The following ZMYND11 variants were observed in gnomAD, a reference collection of about 807,000 sequenced individuals.
ZMYND11 encodes the protein zinc finger MYND-type containing 11, also known as zinc finger MYND domain-containing protein 11.
In ZMYND11, 9 loss-of-function variants were observed where a neutral mutation model predicts 84.9. The observed-to-expected ratio is 0.11, with a 90% CI of 0.06 to 0.18. The LOEUF is 0.18. Among genes scored for constraint, ZMYND11 ranks in the 10% least tolerant of loss-of-function variants. The probability of loss-of-function intolerance (pLI) is 1.00; values close to 1 mark genes in which losing one functional copy is unlikely to be tolerated. For synonymous variants in ZMYND11, 250 were observed against 244.1 expected (o/e 1.02, Z -0.23); for missense variants, 409 against 761.0 (o/e 0.54, Z 5.44).
At chr10:221,463 T>C (rs886095895) in intron 4 of ZMYND11, 107 bp downstream of exon 4, 1 of 1,131,690 alleles carries the variant, frequency 8.8e-7, no homozygotes, top group African/African-American at 1.6e-5. Context: ...GATAAAGGAC[T>C]GGAGGGTGGG....
upstream of ZMYND11, among the ~76,000 whole-genome samples, chr10:133,174 C>A (rs1252736332): frequency 1.3e-5 from 2 of 152,218 alleles, no homozygotes; most frequent in African/African-American, 4.8e-5. Context: ...GCGTTCATTT[C>A]GCTAACCATC....
rs140163314 is a variant in ZMYND11 at position 216,080 on chromosome 10, T to G, written c.277-5115T>G. On this transcript the variant is annotated intron_variant, in intron 3 of 14. Transcript: ENST00000381604. ...TCCTCCCACCTCAAAATGCCCAGTC[T>G]AAAAAAAGTTTTGGGTTATATTTCT... 5.2e-3 allele frequency among the ~76,000 whole-genome samples: 785 copies of G among 152,272 alleles called. 7 individuals are homozygous for G. The highest frequency in any genetic ancestry group is 0.018 in the African/African-American group (734 of 41,556).
At chr10:171,747 T>C (rs1845369115) in intron 1 of ZMYND11, among the ~76,000 whole-genome samples, 1 of 152,174 alleles carries the variant, frequency 6.6e-6, no homozygotes, top group South Asian at 2.1e-4. Flanking sequence ...TTAAAGAATA[T>C]CTTTACAAAC....
At chr10:175,613 G>A (rs1376814473) in intron 1 of ZMYND11, among the ~76,000 whole-genome samples, 3 of 152,040 alleles carry the variant, frequency 2.0e-5, no homozygotes, top group Non-Finnish European at 4.4e-5. Context: ...ATATAATTGC[G>A]TATTTTTCTG....
chr10:193,877 T>C (rs1941079925), intron 2 of ZMYND11, among the ~76,000 whole-genome samples: 1 of 152,252 alleles, frequency 6.6e-6, no homozygotes. Flanking sequence ...GTGATTCATT[T>C]GCTATGTATA....
rs984208252 is a variant in ZMYND11, at chr10:151,156, G to A, written c.-20+15597G>A. On this transcript the variant is annotated intron_variant, in intron 1 of 14. Transcript: ENST00000381604. ...AAAGCTCAAAATTCTAAAAATCAGA[G>A]CACCTCTCCCCCTCCAAAGGAACGC... Among the ~76,000 whole-genome samples, 3 of 152,110 alleles carry A rather than the reference G, an allele frequency of 2.0e-5. No homozygotes were observed. The South Asian group carries it at 6.2e-4, about 31-fold the overall frequency.
At chr10:154,010 C>A (rs782379047) in intron 1 of ZMYND11, among the ~76,000 whole-genome samples, 8 of 152,146 alleles carry the variant, frequency 5.3e-5, no homozygotes, top group Non-Finnish European at 1.2e-4. Flanking sequence ...TGTAAAGAGA[C>A]CATGAATTTC....
Position 140,754 on chromosome 10 carries a change from G to C in ZMYND11, c.-20+5195G>C, listed in dbSNP as rs1208070916. ...AAATGTGTTCAATCAGATAGAAGTA[G>C]AAATACCCTTACGTGCACATACTTA... On this transcript the variant is annotated intron_variant, in intron 1 of 14. Coordinates refer to ENST00000381604, the MANE Select transcript of ZMYND11 (RefSeq NM_001370100.5). 2.0e-5 allele frequency among the ~76,000 whole-genome samples: 3 copies of C among 152,162 alleles called. No individual in the cohort carries two copies. The East Asian group carries it at 5.8e-4, about 29-fold the overall frequency.
chr10:153,397 T>C (rs1840895963), intron 1 of ZMYND11, among the ~76,000 whole-genome samples: 1 of 152,238 alleles, frequency 6.6e-6, no homozygotes, highest in South Asian at 2.1e-4. Flanking sequence ...TCATTGTAAT[T>C]AACTTGTTAG....
At chr10:141,568 A>G (rs1837507815) in intron 1 of ZMYND11, among the ~76,000 whole-genome samples, 1 of 152,170 alleles carries the variant, frequency 6.6e-6, no homozygotes, top group Non-Finnish European at 1.5e-5. Flanking sequence ...AATTTATCCC[A>G]ATTTGTAACT....
intron 10 of ZMYND11, among the ~76,000 whole-genome samples, chr10:245,184 T>TTA (rs2131884076): frequency 6.6e-6 from 1 of 152,362 alleles, no homozygotes; most frequent in East Asian, 1.9e-4. Flanking sequence ...AACAAAGTAC[T>TTA]TATGCCAGAT....
chr10:237,736 G>T, intron 6 of ZMYND11, 59 bp downstream of exon 6: 1 of 1,345,008 alleles, frequency 7.4e-7, no homozygotes, highest in Non-Finnish European at 1.0e-6. Flanking sequence ...ACAAGTTAAA[G>T]AATAATGTAG....
intron 10 of ZMYND11, among the ~76,000 whole-genome samples, chr10:242,660 C>G (rs147731772): frequency 6.6e-6 from 1 of 152,266 alleles, no homozygotes; most frequent in East Asian, 1.9e-4. Flanking sequence ...GAAAAAGTGA[C>G]AGAAACCAGC....
At chr10:189,728 C>T (rs1468174825) in intron 2 of ZMYND11, among the ~76,000 whole-genome samples, 1 of 152,086 alleles carries the variant, frequency 6.6e-6, no homozygotes, top group Non-Finnish European at 1.5e-5. Flanking sequence ...CTTTGCATGT[C>T]TATGAAGAAA....
chr10:150,229 A>G (rs1184264213), intron 1 of ZMYND11, among the ~76,000 whole-genome samples: 1 of 152,086 alleles, frequency 6.6e-6, no homozygotes, highest in African/African-American at 2.4e-5. Context: ...TTGGCTGTGA[A>G]TCCGTCTGGT....
At chr10:212,130 C>G (rs955473284) in intron 3 of ZMYND11, among the ~76,000 whole-genome samples, 2 of 152,084 alleles carry the variant, frequency 1.3e-5, no homozygotes, top group Admixed American at 6.6e-5. Context: ...TTTCTCTTTA[C>G]TGTTTAGATT....
intron 1 of ZMYND11, among the ~76,000 whole-genome samples, chr10:147,011 T>C (rs567286998): frequency 2.0e-5 from 3 of 152,352 alleles, no homozygotes; most frequent in Admixed American, 6.5e-5. Context: ...CTCGAGTATG[T>C]CTTTCTTAGC....
chr10:167,975 A>G (rs1554764450), intron 1 of ZMYND11, among the ~76,000 whole-genome samples: 1 of 152,154 alleles, frequency 6.6e-6, no homozygotes, highest in Non-Finnish European at 1.5e-5. Flanking sequence ...ATTAAACAGT[A>G]ACTCTTGATA....
chr10:187,655 C>G (rs560452098), intron 2 of ZMYND11, among the ~76,000 whole-genome samples: 1 of 151,588 alleles, frequency 6.6e-6, no homozygotes, highest in Non-Finnish European at 1.5e-5. Flanking sequence ...AAAAACCATA[C>G]CCAAGATAAA....
Sources: gnomAD v4.1 joint callset for allele counts (sites outside exome capture counted in the v4.1 genomes callset) on GRCh38, gnomAD v4.1.1 for gene constraint, MANE v1.5 for transcripts, NCBI Gene and HGNC (gene_info 2026-07-23, HGNC 2026-07-21) for gene names.